The following PRR5 variants were observed in gnomAD, a reference collection of about 807,000 sequenced individuals.
The protein encoded by PRR5 is proline-rich protein 5.
A neutral mutation model predicts 30.6 loss-of-function variants in PRR5; 25 were observed. That is an observed-to-expected ratio of 0.82 (90% confidence interval 0.60 to 1.14). PRR5 has a LOEUF of 1.14. PRR5 is among the 50% of genes most tolerant of loss of function. PRR5 has a pLI of 0.00. For synonymous variants in PRR5, 286 were observed against 247.1 expected (o/e 1.16, Z -1.48); for missense variants, 600 against 547.1 (o/e 1.10, Z -0.96).
intron 1 of PRR5, among the ~76,000 whole-genome samples, chr22:44,669,263 G>T (rs554905309): frequency 6.6e-6 from 1 of 152,242 alleles, no homozygotes; most frequent in African/African-American, 2.4e-5. Flanking sequence ...CCCCCTAATA[G>T]GGCAAACAAA....
At chr22:44,718,460 G>T (rs1929444300) in intron 2 of PRR5, among the ~76,000 whole-genome samples, 1 of 152,106 alleles carries the variant, frequency 6.6e-6, no homozygotes, top group South Asian at 2.1e-4. Flanking sequence ...CTCCCAAAGT[G>T]CTGGGGTTAC....
chr22:44,695,818 C>G (rs1235855020), intron 1 of PRR5, among the ~76,000 whole-genome samples: 1 of 151,492 alleles, frequency 6.6e-6, no homozygotes, highest in Non-Finnish European at 1.5e-5. Context: ...CTAGGCTGGT[C>G]TCGAACCCCT....
Position 44,691,976 on chromosome 22 carries a change from G to A in PRR5, c.-10-10516G>A, listed in dbSNP as rs1045093755. Among the ~76,000 whole-genome samples, 2 of 152,054 alleles carry A rather than the reference G, an allele frequency of 1.3e-5. No individual in the cohort carries two copies. Among genetic ancestry groups the A allele is most frequent in the African/African-American group, 2.4e-5 (1 of 41,384 alleles). ...GGGCTCAATTGATGCCATCAGGAAC[G>A]CGGGCCAAGTTTTGATGGGCTGTTT... On this transcript the variant is annotated intron_variant, in intron 1 of 8. Coordinates refer to the PRR5 transcript ENST00000006251. This position sits in a 1 kb window ranked among gnomAD's most constrained non-coding sequence, Gnocchi z 4.4.
intron 5 of PRR5, 150 bp downstream of exon 5, chr22:44,731,971 C>A: frequency 1.1e-6 from 1 of 922,762 alleles, no homozygotes; most frequent in Non-Finnish European, 1.6e-6. Context: ...TTGCTCAGAG[C>A]CTGTTTCCAC....
chr22:44,707,933 G>GC, intron 1 of PRR5, among the ~76,000 whole-genome samples: 1 of 152,250 alleles, frequency 6.6e-6, no homozygotes. Context: ...CAGTTGTAGT[G>GC]CGTGGCCCCA....
intron 4 of PRR5, chr22:44,730,382 G>C (rs985657888): frequency 1.0e-6 from 1 of 984,988 alleles, no homozygotes; most frequent in Admixed American, 6.1e-5. Context: ...CACGTCCTTG[G>C]ACTGTGCATC....
Position 44,730,442 on chromosome 22 carries a change from G to A in PRR5, c.323-1288G>A, listed in dbSNP as rs1056155115. ...AGCTCCGCTCAGTCCAGGCAGAAAG[G>A]CCAAGGGTTCTTCACGTTGCCTCTC... On this transcript the variant is annotated intron_variant, in intron 4 of 7. Coordinates refer to ENST00000336985, the MANE Select transcript of PRR5 (RefSeq NM_181333.4). 6.1e-6 allele frequency: 6 copies of A among 985,310 alleles called. No homozygotes were observed. The African/African-American group carries it at 8.7e-5, about 14-fold the overall frequency. The allele number at this position is 985,310 out of a possible 1,614,324, so 61.0% of individuals were successfully genotyped here.
At chr22:44,732,126 A>T in intron 5 of PRR5, 125 bp from the exon 6 acceptor site, 1 of 1,461,144 alleles carries the variant, frequency 6.8e-7, no homozygotes, top group Non-Finnish European at 9.2e-7. Flanking sequence ...TCATCTGAGG[A>T]GAACGGGGTG....
Position 44,736,983 on chromosome 22 carries a change from G to C in PRR5, c.903G>C (p.Gln301His). 1 of 1,600,566 alleles carries C rather than the reference G, an allele frequency of 6.2e-7. No homozygotes were observed. Among genetic ancestry groups the C allele is most frequent in the Non-Finnish European group, 8.5e-7 (1 of 1,174,100 alleles). ...EPQGFSDPPGQGPTGTFRSSP... is the reference protein window; with the variant it reads ...EPQGFSDPPGHGPTGTFRSSP... ...AGGGCTTCTCCGACCCGCCCGGCCA[G>C]GGCCCCACCGGGACCTTCAGGTCCT... Residue 301 changes from glutamine to histidine, a missense_variant, in exon 8 of 8, where the codon CAG (glutamine) becomes CAC (histidine). Transcript: ENST00000336985.
At chr22:44,731,662 A>T (rs1921991890) in intron 4 of PRR5, 68 bp from the exon 5 acceptor site, 1 of 1,527,704 alleles carries the variant, frequency 6.5e-7, no homozygotes, top group African/African-American at 1.4e-5. Flanking sequence ...CTGATGACCC[A>T]TCCTGGGTGA....
intron 1 of PRR5, chr22:44,679,708 AAAT>A: frequency 2.6e-5 from 31 of 1,187,214 alleles, no homozygotes; most frequent in South Asian, 6.0e-5. Context: ...CTCCATCTCA[AAAT>A]AATAATAATA....
At chr22:44,715,562 C>T (rs1419531629) in intron 2 of PRR5, among the ~76,000 whole-genome samples, 1 of 152,062 alleles carries the variant, frequency 6.6e-6, no homozygotes, top group Non-Finnish European at 1.5e-5. Flanking sequence ...TCTGGCCCAC[C>T]CCTGGGTGGG....
At chr22:44,724,145 G>C (rs920686555) in intron 2 of PRR5, among the ~76,000 whole-genome samples, 6 of 152,146 alleles carry the variant, frequency 3.9e-5, no homozygotes, top group African/African-American at 1.4e-4. Flanking sequence ...TGATTAGAAA[G>C]TTTTCCTAGG....
intron 1 of PRR5, among the ~76,000 whole-genome samples, chr22:44,709,136 C>T (rs557064191): frequency 6.4e-4 from 98 of 152,212 alleles, no homozygotes; most frequent in African/African-American, 2.2e-3. Context: ...GGATGGGGGC[C>T]TGGGGCCAGT....
intron 2 of PRR5, among the ~76,000 whole-genome samples, chr22:44,720,111 C>G (rs1017820922): frequency 7.9e-5 from 12 of 152,326 alleles, no homozygotes; most frequent in African/African-American, 2.9e-4. Flanking sequence ...CCTAGCATGC[C>G]TGGGGCTGGC....
rs1293693945 is a variant in PRR5 at position 44,735,156 on chromosome 22, A to G, written c.685A>G (p.Ile229Val). The G allele has an allele frequency of 2.5e-6, 4 of 1,612,548 alleles. No individual in the cohort carries two copies. The highest frequency in any genetic ancestry group is 8.5e-7 in the Non-Finnish European group (1 of 1,179,714). Reference protein sequence around the residue: ...SSEGPFTHSCILEKRLLRRSR... With the variant: ...SSEGPFTHSCVLEKRLLRRSR... The stretch of plus-strand genomic sequence containing the variant: ...CGAGGGGCCCTTCACCCATTCCTGC[A>G]TCCTGGGTAGGGGTCCGCCTGGGCC... Residue 229 changes from isoleucine (I) to valine (V), a missense_variant, in exon 7 of 8, where the codon ATC (isoleucine) becomes GTC (valine). Ile to Val is a conservative substitution (Grantham distance 29, BLOSUM62 3). Coordinates refer to ENST00000336985, the MANE Select transcript of PRR5 (RefSeq NM_181333.4).
At chr22:44,715,153 G>A (rs755592418) in intron 2 of PRR5, among the ~76,000 whole-genome samples, 2 of 152,172 alleles carry the variant, frequency 1.3e-5, no homozygotes, top group Non-Finnish European at 2.9e-5. Context: ...CGAAGCAGCA[G>A]GCTGGACACA....
At chr22:44,707,299 C>T (rs556229715) in intron 1 of PRR5, among the ~76,000 whole-genome samples, 34 of 152,302 alleles carry the variant, frequency 2.2e-4, no homozygotes, top group Non-Finnish European at 4.4e-4. Context: ...CAGGAGTGGC[C>T]GGCCACTGGG....
intron 1 of PRR5, among the ~76,000 whole-genome samples, chr22:44,678,699 A>G (rs1439089294): frequency 6.6e-6 from 1 of 152,124 alleles, no homozygotes; most frequent in African/African-American, 2.4e-5. Flanking sequence ...GGCCAGGCGG[A>G]CCCACGGCCC....
Sources: allele counts gnomAD v4.1 joint callset (sites outside exome capture counted in the v4.1 genomes callset), GRCh38; gene constraint gnomAD v4.1.1; non-coding constraint Gnocchi (gnomAD v3.1); transcripts MANE v1.5; gene names NCBI Gene and HGNC (gene_info 2026-07-23, HGNC 2026-07-21).